Variants in SEMA5A observed in about 807,000 individuals in gnomAD.
SEMA5A encodes semaphorin-5A.
SEMA5A carries 55 observed loss-of-function variants against 135.5 expected under a neutral mutation model. That is an observed-to-expected ratio of 0.41 (90% CI 0.33 to 0.51). The LOEUF (loss-of-function observed/expected upper bound fraction) is 0.51. Among genes scored for constraint, SEMA5A ranks in the 20% least tolerant of loss-of-function variants. The pLI is 0.37. For missense variants in SEMA5A, 1,290 were observed against 1,419.9 expected, an observed-to-expected ratio of 0.91 and a Z score of 1.47; for synonymous variants, 580 against 546.5, an observed-to-expected ratio of 1.06 and a Z score of -0.85.
intron 1 of SEMA5A, among the ~76,000 whole-genome samples, chr5:9,468,992 G>A (rs1759372443): frequency 6.6e-6 from 1 of 152,172 alleles, no homozygotes; most frequent in East Asian, 1.9e-4. Flanking sequence ...AGTAGCAATG[G>A]ATTTTTTTGT....
At chr5:9,421,822 A>G (rs1757480280) in intron 2 of SEMA5A, among the ~76,000 whole-genome samples, 1 of 152,120 alleles carries the variant, frequency 6.6e-6, no homozygotes, top group Non-Finnish European at 1.5e-5. Context: ...TGAACTACCT[A>G]TTCATATATT....
At chr5:9,375,579 G>A (rs1287222997) in intron 3 of SEMA5A, among the ~76,000 whole-genome samples, 1 of 149,372 alleles carries the variant, frequency 6.7e-6, no homozygotes, top group Non-Finnish European at 1.5e-5. Context: ...TGTAAGAAGA[G>A]ACAATTAGGT....
At position 9,054,203 on chromosome 5, in the gene SEMA5A, C is replaced by T. The variant is rs1293688718; in HGVS notation, c.2573G>A (p.Gly858Asp). Residue 858 changes from glycine to aspartate, a missense_variant, in exon 19 of 23, where the codon GGC becomes GAC. By Grantham distance (94) the Gly-to-Asp change is moderately conservative. This residue lies in a region of SEMA5A where 1,029 missense variants were observed against 1,086.6 expected (regional missense o/e 0.95). Coordinates refer to ENST00000382496, the MANE Select transcript of SEMA5A (RefSeq NM_003966.3). ...SPWTKCSATC[G>D]GGHYMRTRSC... ...GCGGGTCCTCATATAGTGTCCACCG[C>T]CGCATGTTGCTGAACATTTTGTCCA... 1.2e-6 allele frequency: 2 copies of T among 1,613,934 alleles called. No homozygotes were observed. The highest frequency in any genetic ancestry group is 2.7e-5 in the African/African-American group (2 of 74,908).
intron 22 of SEMA5A, among the ~76,000 whole-genome samples, chr5:9,044,100 G>A (rs894102866): frequency 6.6e-6 from 1 of 152,092 alleles, no homozygotes; most frequent in African/African-American, 2.4e-5. Flanking sequence ...GTTTAAGCAG[G>A]GTCCAAGGGG....
chr5:9,111,847 C>T (rs1431502369), intron 15 of SEMA5A, among the ~76,000 whole-genome samples: 1 of 152,182 alleles, frequency 6.6e-6, no homozygotes, highest in Non-Finnish European at 1.5e-5. Flanking sequence ...CTCCCTGCCC[C>T]CAGCCCAACT....
chr5:9,335,126 A>G (rs568290286), intron 4 of SEMA5A, among the ~76,000 whole-genome samples: 1 of 152,246 alleles, frequency 6.6e-6, no homozygotes, highest in South Asian at 2.1e-4. Flanking sequence ...TGGAGACGAC[A>G]GGGATGCTGG....
At chr5:9,418,688 T>G (rs1252580129) in intron 2 of SEMA5A, among the ~76,000 whole-genome samples, 1 of 152,134 alleles carries the variant, frequency 6.6e-6, no homozygotes. Context: ...ACAGGAACTC[T>G]GACATATATG....
At chr5:9,451,314 A>G (rs1283574981) in intron 1 of SEMA5A, among the ~76,000 whole-genome samples, 1 of 152,206 alleles carries the variant, frequency 6.6e-6, no homozygotes, top group East Asian at 1.9e-4. Flanking sequence ...AACAAACAAG[A>G]CTCCTCATTC....
intron 11 of SEMA5A, among the ~76,000 whole-genome samples, chr5:9,171,720 C>T (rs1334615953): frequency 2.0e-5 from 3 of 151,996 alleles, no homozygotes; most frequent in East Asian, 1.9e-4. Context: ...GAGAGGGAGC[C>T]GGGTTCCAAC....
chr5:9,286,391 AT>A (rs201054208), intron 5 of SEMA5A, among the ~76,000 whole-genome samples: 28 of 151,932 alleles, frequency 1.8e-4, no homozygotes, highest in Non-Finnish European at 4.0e-4. Context: ...CCTACCATTG[AT>A]TTTTTCCCCC....
At chr5:9,393,180 A>G (rs1756240899) in intron 2 of SEMA5A, among the ~76,000 whole-genome samples, 1 of 152,218 alleles carries the variant, frequency 6.6e-6, no homozygotes, top group South Asian at 2.1e-4. Flanking sequence ...TGTATTTCAA[A>G]ATATTAAAAC....
intron 15 of SEMA5A, 36 bp downstream of exon 15, chr5:9,118,962 G>A (rs370887238): frequency 6.2e-7 from 1 of 1,605,550 alleles, no homozygotes; most frequent in African/African-American, 1.3e-5. Flanking sequence ...GAGTAAGCGT[G>A]AGGCTGGCGG....
At chr5:9,490,394 A>C (rs1734943581) in intron 1 of SEMA5A, among the ~76,000 whole-genome samples, 1 of 152,136 alleles carries the variant, frequency 6.6e-6, no homozygotes, top group Non-Finnish European at 1.5e-5. Context: ...AGAAAGAAGA[A>C]AATAGAAGAT....
intron 12 of SEMA5A, among the ~76,000 whole-genome samples, chr5:9,144,304 C>T (rs1393100111): frequency 6.6e-6 from 1 of 152,134 alleles, no homozygotes; most frequent in Non-Finnish European, 1.5e-5. Flanking sequence ...GTTTAAGGGT[C>T]AACAATTATG....
intron 1 of SEMA5A, chr5:9,523,179 G>C (rs1736930655): frequency 1.3e-5 from 2 of 151,860 alleles, no homozygotes; most frequent in South Asian, 4.2e-4. Flanking sequence ...TGTAATAATT[G>C]CCAAACTCAG....
intron 13 of SEMA5A, among the ~76,000 whole-genome samples, chr5:9,135,477 G>A (rs537405043): frequency 5.3e-5 from 8 of 151,770 alleles, no homozygotes; most frequent in Non-Finnish European, 1.0e-4. Context: ...CACCGTGCCC[G>A]GCCTGGTTTT....
At chr5:9,044,236 A>C in intron 22 of SEMA5A, 137 bp downstream of exon 22, 1 of 734,488 alleles carries the variant, frequency 1.4e-6, no homozygotes, top group Non-Finnish European at 2.3e-6. Context: ...GTAAGGACTA[A>C]AGATGTTTCT....
At chr5:9,358,664 G>T (rs906141914) in intron 3 of SEMA5A, among the ~76,000 whole-genome samples, 2 of 152,234 alleles carry the variant, frequency 1.3e-5, no homozygotes, top group Non-Finnish European at 2.9e-5. Flanking sequence ...ATGGATGTGG[G>T]TTCAAAGAGT....
rs139038512 is a variant in SEMA5A at position 9,394,625 on chromosome 5, G to T, written c.-77-14602C>A. On this transcript the variant is annotated intron_variant, in intron 2 of 22. Transcript: ENST00000382496. ...GCCCCAGGTTGATCTGGGAGGAGGT[G>T]GGGGAGCAGGCAGGTTTTGGAAGTG... 3.3e-5 allele frequency among the ~76,000 whole-genome samples: 5 copies of T among 152,240 alleles called. No homozygotes were observed. In the East Asian group the frequency reaches 7.7e-4, roughly 24 times the overall value.
Sources: allele counts gnomAD v4.1 joint callset (sites outside exome capture counted in the v4.1 genomes callset), GRCh38; gene constraint gnomAD v4.1.1; regional missense constraint gnomAD v4.1.1; transcripts MANE v1.5; gene names NCBI Gene and HGNC (gene_info 2026-07-23, HGNC 2026-07-21).